The following GP6 variants were observed in gnomAD, a reference collection of about 807,000 sequenced individuals.
GP6 encodes platelet glycoprotein VI.
A neutral mutation model predicts 37.3 loss-of-function variants in GP6; 45 were observed. The observed-to-expected ratio is 1.21, with a 90% confidence interval of 0.95 to 1.55. The LOEUF (loss-of-function observed/expected upper bound fraction) is 1.55. Ranked by LOEUF, GP6 falls within the 40% of genes most tolerant of loss-of-function variation. The pLI is 0.00. For missense variants in GP6, 813 were observed against 760.2 expected (o/e 1.07, Z -0.82); for synonymous variants, 340 against 316.4 (o/e 1.07, Z -0.79).
chr19:55,034,178 A>G (rs573087847), intron 1 of GP6, among the ~76,000 whole-genome samples: 30 of 102,558 alleles, frequency 2.9e-4, no homozygotes, highest in Non-Finnish European at 3.8e-4. Context: ...GTGTGTGTGT[A>G]TACATATGTA....
rs914618508 is a variant in GP6, at chr19:55,014,177, C to T, written c.1768G>A (p.Glu590Lys). ...AGAGTGCAGTGGTGTGATCTCAGCTCACTGCAACCTCTGCCTCCCAGGCTC... is the reference window on the plus strand; with the variant it reads ...AGAGTGCAGTGGTGTGATCTCAGCTTACTGCAACCTCTGCCTCCCAGGCTC... Residue 590 changes from glutamate (E) to lysine (K), a missense_variant, in exon 8 of 8, where the codon GAG (glutamate) becomes AAG (lysine). Coordinates refer to ENST00000310373, the MANE Select transcript of GP6 (RefSeq NM_001083899.2). 2.3e-5 allele frequency: 16 copies of T among 707,756 alleles called. No homozygotes were observed. The African/African-American group carries it at 2.3e-4, about 10-fold the overall frequency. 43.8% of individuals were successfully genotyped at this position (707,756 alleles called of 1,614,324 possible).
chr19:55,037,324 T>C (rs1020318224), intron 1 of GP6, among the ~76,000 whole-genome samples: 10 of 141,844 alleles, frequency 7.1e-5, no homozygotes, highest in East Asian at 6.6e-4. Flanking sequence ...AGTCCAGATA[T>C]CAATTCCACA....
chr19:55,025,134 C>T (rs766959675), intron 5 of GP6, 84 bp downstream of exon 5: 74 of 777,490 alleles, frequency 9.5e-5, no homozygotes, highest in Non-Finnish European at 1.5e-4. Flanking sequence ...TGAATTAAAT[C>T]GAGAAGTCTA....
At chr19:55,023,663 C>A (rs1353055496) in intron 5 of GP6, among the ~76,000 whole-genome samples, 1 of 152,112 alleles carries the variant, frequency 6.6e-6, no homozygotes, top group Non-Finnish European at 1.5e-5. Context: ...AACCATGAAC[C>A]AATTAAACCT....
intron 3 of GP6, among the ~76,000 whole-genome samples, chr19:55,029,352 ATATATATATATATATATATATATTTTTTT>A (rs2074458364): frequency 3.8e-4 from 1 of 2,624 alleles, no homozygotes; most frequent in Non-Finnish European, 6.3e-4. Flanking sequence ...ATATATATAT[ATATATATATATATATATATATATTTTTTT>A]TTTTTTTTTT....
At chr19:55,025,697 C>T (rs56720608) in intron 4 of GP6, among the ~76,000 whole-genome samples, 4,779 of 149,240 alleles carry the variant, frequency 0.032, 256 homozygotes, top group African/African-American at 0.11. Context: ...CGCAGTAAGA[C>T]TCCATCTGAA....
intron 1 of GP6, among the ~76,000 whole-genome samples, chr19:55,033,933 C>A (rs183152046): frequency 1.3e-5 from 2 of 152,018 alleles, no homozygotes; most frequent in East Asian, 1.9e-4. Flanking sequence ...ATATAATAAT[C>A]GTTTCAAATA....
chr19:55,018,833 A>T lies in GP6; in HGVS notation c.665-122T>A, dbSNP rs1242689115. 3.4e-5 allele frequency: 26 copies of T among 759,540 alleles called. No individual in the cohort carries two copies. The East Asian group carries it at 4.2e-4, about 12-fold the overall frequency. The allele number at this position is 759,540 out of a possible 1,614,324, so 47.1% of individuals were successfully genotyped here. A position where few individuals can be genotyped will look rare whatever the true frequency, so the allele number is the denominator to read the frequency against. ...CCTTTCTCTGACACACTGCACAGAC[A>T]CTGAAGACAGACAAATTCGAAAGGT... On this transcript the variant is annotated intron_variant, in intron 5 of 7. Coordinates refer to ENST00000310373, the MANE Select transcript of GP6 (RefSeq NM_001083899.2).
intron 4 of GP6, among the ~76,000 whole-genome samples, chr19:55,026,218 C>T (rs2074297045): frequency 6.6e-6 from 1 of 152,162 alleles, no homozygotes; most frequent in Non-Finnish European, 1.5e-5. Context: ...TTTAATATGA[C>T]ATTGTTAAAT....
chr19:55,020,719 C>T lies in GP6; in HGVS notation c.665-2008G>A, dbSNP rs2074046210. The stretch of plus-strand genomic sequence containing the variant: ...TCTTTATAATACAATGATTTATATT[C>T]CTTTGGGTATATAACCAGTAATGGG... On this transcript the variant is annotated intron_variant, in intron 5 of 7. Coordinates refer to ENST00000310373, the MANE Select transcript of GP6 (RefSeq NM_001083899.2). 4.6e-5 allele frequency among the ~76,000 whole-genome samples: 7 copies of T among 151,984 alleles called. No individual in the cohort carries two copies. In the South Asian group the frequency reaches 1.5e-3, roughly 32 times the overall value.
Position 55,027,828 on chromosome 19 carries a change from G to T in GP6, c.360C>A (p.Pro120=), listed in dbSNP as rs375405887. ...CCCCTCCTGACGACACCGCCGGGCC[G>T]GGCTGGGCTGAGAGCGAGGGTTTGG... The change falls in exon 4 of 8, where the codon CCC becomes CCA. Residue 120 remains proline (P), a synonymous_variant. Coordinates refer to ENST00000310373, the MANE Select transcript of GP6 (RefSeq NM_001083899.2). 13 of 1,613,972 alleles carry T rather than the reference G, an allele frequency of 8.1e-6. No individual in the cohort carries two copies. The highest frequency in any genetic ancestry group is 1.0e-5 in the Non-Finnish European group (12 of 1,180,006).
Position 55,027,727 on chromosome 19 carries a change from T to G in GP6, c.461A>C (p.Tyr154Ser), listed in dbSNP as rs756962244. 4.7e-5 allele frequency: 76 copies of G among 1,613,790 alleles called. No individual in the cohort carries two copies. Among genetic ancestry groups the G allele is most frequent in the Non-Finnish European group, 6.2e-5 (73 of 1,179,772 alleles). The stretch of plus-strand genomic sequence containing the variant: ...CCTGTACCATCTCTCGGGATTCTTG[T>G]AGGGCGCAGGGTCCCCTTCCTTGTA... The change falls in exon 4 of 8, where the codon TAC becomes TCC. Residue 154 changes from tyrosine (Y) to serine (S), a missense_variant. Transcript: ENST00000310373.
intron 3 of GP6, among the ~76,000 whole-genome samples, chr19:55,030,284 C>T (rs1348640083): frequency 6.6e-6 from 1 of 152,132 alleles, no homozygotes; most frequent in Non-Finnish European, 1.5e-5. Flanking sequence ...CTAAAGTGAG[C>T]TATGATCATG....
At chr19:55,022,329 A>C (rs1294086026) in intron 5 of GP6, among the ~76,000 whole-genome samples, 1 of 152,260 alleles carries the variant, frequency 6.6e-6, no homozygotes, top group Non-Finnish European at 1.5e-5. Flanking sequence ...TTTTTGTACA[A>C]GGTGTAAGGA....
chr19:55,018,314 C>CTCTA (rs2146722796), intron 6 of GP6, among the ~76,000 whole-genome samples: 1 of 152,328 alleles, frequency 6.6e-6, no homozygotes, highest in African/African-American at 2.4e-5. Flanking sequence ...CGAGCATGGG[C>CTCTA]TCTACCTGGA....
At chr19:55,015,262 T>C in intron 7 of GP6, 97 bp from the exon 8 acceptor site, 1 of 1,539,306 alleles carries the variant, frequency 6.5e-7, no homozygotes, top group Non-Finnish European at 8.8e-7. Flanking sequence ...TATTATTCTC[T>C]ACTAGCTAGG....
At position 55,032,591 on chromosome 19, in the gene GP6, C is replaced by T. The variant is rs2074609095; in HGVS notation, c.35-53G>A. The T allele has an allele frequency of 3.1e-6, 5 of 1,596,032 alleles. No individual in the cohort carries two copies. The South Asian group carries it at 3.3e-5, about 11-fold the overall frequency. ...CCAGGACTCGCTTTTATGGACATTC[C>T]TGCCTGCTGGGCGCGGTGATAAGAC... On this transcript the variant is annotated intron_variant, in intron 1 of 7. Transcript: ENST00000310373.
chr19:55,035,636 GA>G (rs1351151218), intron 1 of GP6, among the ~76,000 whole-genome samples: 1 of 149,284 alleles, frequency 6.7e-6, no homozygotes, highest in Non-Finnish European at 1.5e-5. Context: ...AGAATCGCTT[GA>G]ACCTGGGAGG....
chr19:55,024,289 T>TGCACGCACACACACACGCACGC, intron 5 of GP6, among the ~76,000 whole-genome samples: 1 of 101,910 alleles, frequency 9.8e-6, no homozygotes, highest in Non-Finnish European at 2.2e-5. Context: ...CACACACACA[T>TGCACGCACACACACACGCACGC]ATGCACGCAT....
Sources: allele counts gnomAD v4.1 joint callset (sites outside exome capture counted in the v4.1 genomes callset), GRCh38; gene constraint gnomAD v4.1.1; transcripts MANE v1.5; gene names NCBI Gene and HGNC (gene_info 2026-07-23, HGNC 2026-07-21).